The following NDUFA10 variants were observed in gnomAD, a reference collection of about 807,000 sequenced individuals.
The protein encoded by NDUFA10 is NADH:ubiquinone oxidoreductase subunit A10, also known as NADH dehydrogenase [ubiquinone] 1 alpha subcomplex subunit 10, mitochondrial.
In NDUFA10, 40 loss-of-function variants were observed where a neutral mutation model predicts 47.8. That is an observed-to-expected ratio of 0.84 (90% confidence interval 0.65 to 1.09). The LOEUF is 1.09. Among genes scored for constraint, NDUFA10 ranks in the 50% least tolerant of loss-of-function variants. The pLI is 0.00. For missense variants in NDUFA10, 413 were observed against 451.1 expected (o/e 0.92, Z 0.76); for synonymous variants, 183 against 172.2 (o/e 1.06, Z -0.49).
At chr2:239,999,712 G>A (rs186688870) in intron 8 of NDUFA10, among the ~76,000 whole-genome samples, 91 of 152,184 alleles carry the variant, frequency 6.0e-4, no homozygotes, top group Non-Finnish European at 8.4e-4. Context: ...TGTTTCCTAC[G>A]AGGAACCTGA....
chr2:239,969,887 CAG>C (rs34036698), intron 9 of NDUFA10: 126,091 of 421,344 alleles, frequency 0.3, 20,861 homozygotes, highest in East Asian at 0.43. Flanking sequence ...AACAAATGGA[CAG>C]AGTCACAGGG....
At chr2:239,909,591 C>T (rs894029426) in intron 4 of NDUFA10, among the ~76,000 whole-genome samples, 10 of 151,786 alleles carry the variant, frequency 6.6e-5, no homozygotes, top group Non-Finnish European at 1.5e-4. Flanking sequence ...CCAGCCTGGG[C>T]GAAAGAGCAA....
chr2:239,914,237 TAC>T (rs201624674), intron 4 of NDUFA10, among the ~76,000 whole-genome samples: 5,569 of 122,242 alleles, frequency 0.046, 346 homozygotes, highest in African/African-American at 0.16. Flanking sequence ...TACACAAACA[TAC>T]ACACACACAG....
chr2:239,908,821 G>A (rs751093064), intron 4 of NDUFA10, among the ~76,000 whole-genome samples: 4 of 152,142 alleles, frequency 2.6e-5, no homozygotes, highest in Admixed American at 6.5e-5. Flanking sequence ...TGCACACCAC[G>A]ACAGCCATCG....
Position 239,960,518 on chromosome 2 carries a change from T to C in NDUFA10, c.*600A>G, listed in dbSNP as rs1694808206. On this transcript the variant is annotated 3_prime_UTR_variant, in exon 10 of 10. Transcript: ENST00000252711. ...CTTAAAACATATTGTTCTGTAAATCTGTGGTAATTTTCTCCTTTTGCTATT... is the reference window on the plus strand; with the variant it reads ...CTTAAAACATATTGTTCTGTAAATCCGTGGTAATTTTCTCCTTTTGCTATT... 1 of 999,838 alleles carries C rather than the reference T, an allele frequency of 1.0e-6. No homozygotes were observed. Among genetic ancestry groups the C allele is most frequent in the African/African-American group, 1.7e-5 (1 of 57,694 alleles). 61.9% of individuals were successfully genotyped at this position (999,838 alleles called of 1,614,324 possible).
At chr2:239,967,891 T>A (rs1695140787) in intron 9 of NDUFA10, among the ~76,000 whole-genome samples, 1 of 152,068 alleles carries the variant, frequency 6.6e-6, no homozygotes, top group East Asian at 1.9e-4. Context: ...TCTCCCAGGC[T>A]CTTCTCTTGG....
At chr2:239,999,201 A>C (rs1696605501) in intron 8 of NDUFA10, among the ~76,000 whole-genome samples, 1 of 152,222 alleles carries the variant, frequency 6.6e-6, no homozygotes, top group Admixed American at 6.5e-5. Context: ...AATGGTCATC[A>C]CCGCACAATG....
chr2:240,002,356 A>AAAG, intron 8 of NDUFA10, among the ~76,000 whole-genome samples: 1 of 143,026 alleles, frequency 7.0e-6, no homozygotes, highest in African/African-American at 2.6e-5. Flanking sequence ...AAAAAAAAAA[A>AAAG]GACAAGGAAA....
chr2:239,962,002 T>C (rs1694871866), intron 9 of NDUFA10, among the ~76,000 whole-genome samples: 1 of 152,102 alleles, frequency 6.6e-6, no homozygotes. Context: ...CAAGAGCCCC[T>C]GCCAGCACAA....
At chr2:239,896,713 A>G (rs1206676889) in intron 4 of NDUFA10, among the ~76,000 whole-genome samples, 1 of 152,220 alleles carries the variant, frequency 6.6e-6, no homozygotes, top group Non-Finnish European at 1.5e-5. Context: ...GTTTAGAGTG[A>G]AGGATAGTCA....
rs2106457853 is a variant in NDUFA10, at chr2:239,893,133, C to T, written c.*15-426G>A. On this transcript the variant is annotated intron_variant, in intron 5 of 5. Transcript: ENST00000419408. ...TACTCTCTGCCCCTCTGATCCCCTG[C>T]TGAGATTCCCCACCAGGCAAACCCA... Among the ~76,000 whole-genome samples, 2 of 152,334 alleles carry T rather than the reference C, an allele frequency of 1.3e-5. 1 individual carries two copies. The highest frequency in any genetic ancestry group is 1.3e-4 in the Admixed American group (2 of 15,306).
At chr2:239,902,504 G>A (rs1010167648) in intron 4 of NDUFA10, among the ~76,000 whole-genome samples, 8 of 152,176 alleles carry the variant, frequency 5.3e-5, no homozygotes, top group African/African-American at 1.9e-4. Context: ...TATAAATATA[G>A]CTTTTATATG....
intron 9 of NDUFA10, among the ~76,000 whole-genome samples, chr2:239,985,096 C>T (rs1695945418): frequency 6.6e-6 from 1 of 152,044 alleles, no homozygotes; most frequent in Admixed American, 6.5e-5. Context: ...GGCAAAGTCT[C>T]CACAAAAAAT....
At chr2:239,904,209 C>T (rs1427365300) in intron 4 of NDUFA10, among the ~76,000 whole-genome samples, 1 of 152,146 alleles carries the variant, frequency 6.6e-6, no homozygotes, top group Non-Finnish European at 1.5e-5. Context: ...GGGACACTGG[C>T]CCTGAAACTT....
rs1693462578 is a variant in NDUFA10 at position 239,898,987 on chromosome 2, A to AGGGGTGTGGTG, written c.295-3674_295-3673insCACCACACCCC. On this transcript the variant is annotated intron_variant, in intron 4 of 5. Coordinates refer to the NDUFA10 transcript ENST00000419408. Reference sequence around the variant, plus strand: ...AGGGTGTGATGAAGAGGTATGATGGAGAGGTGTGATGGAGAGGTGTGATGG... The same window carrying AGGGGTGTGGTG: ...AGGGTGTGATGAAGAGGTATGATGGAGGGGTGTGGTGGAGGTGTGATGGAGAGGTGTGATGG... Among the ~76,000 whole-genome samples, 2 of 94,336 alleles carry AGGGGTGTGGTG rather than the reference A, an allele frequency of 2.1e-5. 1 individual carries two copies. Among genetic ancestry groups the AGGGGTGTGGTG allele is most frequent in the Non-Finnish European group, 4.5e-5 (2 of 44,646 alleles). 61.9% of individuals were successfully genotyped at this position (94,336 alleles called of 152,430 possible).
intron 4 of NDUFA10, among the ~76,000 whole-genome samples, chr2:239,897,820 T>C (rs1693425788): frequency 6.6e-6 from 1 of 152,150 alleles, no homozygotes; most frequent in Non-Finnish European, 1.5e-5. Context: ...CCCAGGCCAG[T>C]AGTGGGAGTG....
rs778173280 is a variant in NDUFA10, at chr2:239,961,181, C to A, written c.1005G>T (p.Pro335=). The change falls in exon 10 of 10, where the codon CCG becomes CCT. Residue 335 remains proline, a synonymous_variant. Transcript: ENST00000252711. ...DRVLHQFREL[P]GRKYSPGYNT... Reference sequence around the variant, plus strand: ...TGTACCCAGGGCTGTACTTGCGGCCCGGCAGCTGTGGGGGAAAAAGGCATT... The same window carrying A: ...TGTACCCAGGGCTGTACTTGCGGCCAGGCAGCTGTGGGGGAAAAAGGCATT... 6.2e-7 allele frequency: 1 copy of A among 1,604,350 alleles called. No individual in the cohort carries two copies. Among genetic ancestry groups the A allele is most frequent in the Non-Finnish European group, 8.5e-7 (1 of 1,175,008 alleles).
chr2:240,003,303 A>G (rs534131320), intron 8 of NDUFA10, among the ~76,000 whole-genome samples: 1 of 152,308 alleles, frequency 6.6e-6, no homozygotes, highest in Non-Finnish European at 1.5e-5. Flanking sequence ...ACGGCCTAAG[A>G]ACACCAACAT....
intron 4 of NDUFA10, among the ~76,000 whole-genome samples, chr2:239,948,395 C>T (rs969326073): frequency 6.6e-6 from 1 of 152,228 alleles, no homozygotes; most frequent in African/African-American, 2.4e-5. Flanking sequence ...AGAAAGTAAC[C>T]GACATCTCCA....
Sources: allele counts gnomAD v4.1 joint callset (sites outside exome capture counted in the v4.1 genomes callset), GRCh38; gene constraint gnomAD v4.1.1; transcripts MANE v1.5; gene names NCBI Gene and HGNC (gene_info 2026-07-23, HGNC 2026-07-21).